SPTLC1: variants seen among roughly 807,000 people sequenced by gnomAD.
The protein encoded by SPTLC1 is serine palmitoyltransferase long chain base subunit 1, also known as serine palmitoyltransferase 1.
In SPTLC1, 55 loss-of-function variants were observed where a neutral mutation model predicts 68.9. That is an observed-to-expected ratio of 0.80 (90% CI 0.64 to 1.00). The LOEUF (loss-of-function observed/expected upper bound fraction) is 1.00, where lower values mean the gene tolerates loss of function less well. SPTLC1 is among the 50% of genes least tolerant of loss of function. The probability of loss-of-function intolerance (pLI) is 0.00; values close to 1 mark genes in which losing one functional copy is unlikely to be tolerated. For missense variants in SPTLC1, 449 were observed against 573.1 expected (o/e 0.78, Z 2.21); for synonymous variants, 197 against 201.6 (o/e 0.98, Z 0.19).
intron 5 of SPTLC1, among the ~76,000 whole-genome samples, chr9:92,073,316 G>A (rs1834563165): frequency 6.6e-6 from 1 of 152,220 alleles, no homozygotes; most frequent in Admixed American, 6.5e-5. Context: ...TTGGACCCTA[G>A]CTCAATCTTA....
chr9:92,038,530 G>A, intron 12 of SPTLC1, 165 bp from the exon 13 acceptor site: 1 of 682,960 alleles, frequency 1.5e-6, no homozygotes, highest in South Asian at 1.5e-5. Flanking sequence ...AGGGAAACGA[G>A]GCACTCTGGG....
chr9:92,047,346 GAAC>G, intron 10 of SPTLC1, 78 bp from the exon 11 acceptor site: 1 of 1,192,688 alleles, frequency 8.4e-7, no homozygotes, highest in Non-Finnish European at 1.2e-6. Context: ...CAGTTCTCTA[GAAC>G]AACTACTGAA....
intron 13 of SPTLC1, among the ~76,000 whole-genome samples, chr9:92,037,978 T>G (rs1833203554): frequency 6.6e-6 from 1 of 152,130 alleles, no homozygotes; most frequent in Non-Finnish European, 1.5e-5. Context: ...CCAAGTATAT[T>G]TAAATGCAAA....
chr9:92,090,423 A>C (rs1255086851), intron 3 of SPTLC1, among the ~76,000 whole-genome samples: 1 of 152,194 alleles, frequency 6.6e-6, no homozygotes, highest in Non-Finnish European at 1.5e-5. Context: ...AGCCTGGCCA[A>C]CATGGTGAAA....
intron 3 of SPTLC1, among the ~76,000 whole-genome samples, chr9:92,106,029 C>T (rs1424953942): frequency 6.6e-6 from 1 of 151,222 alleles, no homozygotes; most frequent in Non-Finnish European, 1.5e-5. Flanking sequence ...GTGAGGAGCA[C>T]CTCTGCCCGG....
chr9:92,102,259 C>T (rs945844736), intron 3 of SPTLC1, among the ~76,000 whole-genome samples: 4 of 152,152 alleles, frequency 2.6e-5, no homozygotes, highest in African/African-American at 9.7e-5. Context: ...ACCATAAGAC[C>T]AGCCTGACAA....
chr9:92,051,254 C>T (rs1436006849), intron 8 of SPTLC1: 8 of 984,386 alleles, frequency 8.1e-6, no homozygotes, highest in Non-Finnish European at 8.4e-6. Context: ...ATTTTGAATC[C>T]TTATTCAATT....
chr9:92,086,837 T>G (rs977835622), intron 3 of SPTLC1, among the ~76,000 whole-genome samples: 2 of 152,198 alleles, frequency 1.3e-5, no homozygotes, highest in Non-Finnish European at 2.9e-5. Flanking sequence ...CTGCAGAGTG[T>G]TTTCCAACTT....
rs553640160 is a variant in SPTLC1 at position 92,055,427 on chromosome 9, G to T, written c.758C>A (p.Thr253Asn). The change falls in exon 8 of 15, where the codon ACT (threonine) becomes AAT (asparagine). Residue 253 changes from threonine (T) to asparagine (N), a missense_variant. Thr to Asn is a moderately conservative substitution (Grantham distance 65). Transcript: ENST00000262554. ...TACCAATTCTGGAAGAGGACAAATA[G>T]TTCCAGTATTCATATACAATCCTTC... ...VVEGLYMNTG[T>N]ICPLPELVKL... 1 of 1,613,570 alleles carries T rather than the reference G, an allele frequency of 6.2e-7. No individual in the cohort carries two copies. Among genetic ancestry groups the T allele is most frequent in the East Asian group, 2.2e-5 (1 of 44,878 alleles).
intron 13 of SPTLC1, among the ~76,000 whole-genome samples, chr9:92,035,276 C>T (rs1348705032): frequency 6.6e-6 from 1 of 152,158 alleles, no homozygotes; most frequent in Non-Finnish European, 1.5e-5. Flanking sequence ...CGAGCAAAGT[C>T]CTGCAGGCTG....
chr9:92,066,980 C>CAAAAAAA (rs1834307936), intron 6 of SPTLC1, among the ~76,000 whole-genome samples: 1 of 149,136 alleles, frequency 6.7e-6, no homozygotes, highest in Non-Finnish European at 1.5e-5. Flanking sequence ...AACTCCATCT[C>CAAAAAAA]AAAATAAAAA....
Position 92,047,183 on chromosome 9 carries a change from T to C in SPTLC1, c.1070A>G (p.Glu357Gly). ...AAAIEALNIM[E>G]ENPGIFAVLK... ...TTAAAGGGTTATACCTGGATTCTCTTCCATGATGTTGAGGGCCTCAATTGC... is the reference window on the plus strand; with the variant it reads ...TTAAAGGGTTATACCTGGATTCTCTCCCATGATGTTGAGGGCCTCAATTGC... The change falls in exon 11 of 15, where the codon GAA (glutamate) becomes GGA (glycine). Residue 357 changes from glutamate (E) to glycine (G), a missense_variant. Transcript: ENST00000262554. 6.2e-7 allele frequency: 1 copy of C among 1,613,748 alleles called. No homozygotes were observed. The highest frequency in any genetic ancestry group is 8.5e-7 in the Non-Finnish European group (1 of 1,179,626).
intron 5 of SPTLC1, among the ~76,000 whole-genome samples, chr9:92,069,237 C>G: frequency 6.6e-6 from 1 of 152,194 alleles, no homozygotes; most frequent in South Asian, 2.1e-4. Context: ...AGTATATTTA[C>G]AGACTTCCTA....
intron 2 of SPTLC1, chr9:92,110,910 T>G (rs1009242260): frequency 1.3e-5 from 2 of 152,194 alleles, no homozygotes; most frequent in South Asian, 4.1e-4. Flanking sequence ...ACAATATAAC[T>G]CTCCAAAAAC....
intron 1 of SPTLC1, among the ~76,000 whole-genome samples, chr9:92,114,119 A>G (rs1836344257): frequency 6.6e-6 from 1 of 151,834 alleles, no homozygotes; most frequent in Non-Finnish European, 1.5e-5. Context: ...ATTAAAAAAA[A>G]AAAAAGATTA....
At chr9:92,072,000 C>G (rs1180144146) in intron 5 of SPTLC1, among the ~76,000 whole-genome samples, 1 of 152,186 alleles carries the variant, frequency 6.6e-6, no homozygotes, top group East Asian at 1.9e-4. Flanking sequence ...CCTATAAAAC[C>G]ATCTCCAATC....
intron 6 of SPTLC1, among the ~76,000 whole-genome samples, chr9:92,059,601 TTC>T (rs1163470013): frequency 6.6e-6 from 1 of 152,232 alleles, no homozygotes; most frequent in Non-Finnish European, 1.5e-5. Flanking sequence ...TCACATACTT[TTC>T]TCTTTCTAAG....
intron 4 of SPTLC1, 68 bp downstream of exon 4, chr9:92,080,802 T>C: frequency 7.6e-7 from 1 of 1,324,100 alleles, no homozygotes. Flanking sequence ...AGCCTGCCTT[T>C]GTCTTTTATG....
intron 12 of SPTLC1, 182 bp from the exon 13 acceptor site, chr9:92,038,547 T>C (rs971544517): frequency 1.6e-6 from 1 of 640,210 alleles, no homozygotes; most frequent in Non-Finnish European, 2.8e-6. Flanking sequence ...TGGGCAGTGC[T>C]TCCTCATCTA....
Sources: gnomAD v4.1 joint callset for allele counts (sites outside exome capture counted in the v4.1 genomes callset) on GRCh38, gnomAD v4.1.1 for gene constraint, MANE v1.5 for transcripts, NCBI Gene and HGNC (gene_info 2026-07-23, HGNC 2026-07-21) for gene names.